The following SPMAP2L variants were observed in gnomAD, a reference collection of about 807,000 sequenced individuals.
SPMAP2L encodes sperm microtubule associated protein 2 like.
At chr4:56,530,631 CA>C in the SPMAP2L span, 8 of 1,509,592 alleles carry the variant, frequency 5.3e-6, no homozygotes, top group Non-Finnish European at 5.3e-6. Context: ...CCTGGGCAAC[CA>C]GTCGGGAGGG....
the SPMAP2L span, among the ~76,000 whole-genome samples, chr4:56,567,048 T>C: frequency 1.3e-5 from 2 of 152,178 alleles, no homozygotes; most frequent in African/African-American, 4.8e-5. Flanking sequence ...CTGGCCTTTG[T>C]GCCACGGTGA....
chr4:56,615,688 C>G, the SPMAP2L span, among the ~76,000 whole-genome samples: 1 of 152,108 alleles, frequency 6.6e-6, no homozygotes, highest in Admixed American at 6.6e-5. Context: ...GCAGAGGTTG[C>G]AGTGAGGTGA....
the SPMAP2L span, among the ~76,000 whole-genome samples, chr4:56,625,116 G>A: frequency 0.2 from 30,413 of 152,138 alleles, 3,591 homozygotes; most frequent in African/African-American, 0.32. Flanking sequence ...GAGACCTGGA[G>A]TCAAAGGAGA....
chr4:56,624,893 C>A, the SPMAP2L span, among the ~76,000 whole-genome samples: 4 of 152,200 alleles, frequency 2.6e-5, no homozygotes, highest in Non-Finnish European at 4.4e-5. Flanking sequence ...CCTACTGGGG[C>A]ACTGCCTAGT....
chr4:56,532,833 T>C, the SPMAP2L span, among the ~76,000 whole-genome samples: 3 of 152,194 alleles, frequency 2.0e-5, no homozygotes, highest in Non-Finnish European at 2.9e-5. Context: ...TGGAAAGATC[T>C]TGTCCTTCAC....
chr4:56,556,785 G>T, the SPMAP2L span, among the ~76,000 whole-genome samples: 1 of 152,022 alleles, frequency 6.6e-6, no homozygotes, highest in Non-Finnish European at 1.5e-5. Flanking sequence ...TGTGGCAGGA[G>T]AATTGCTTGA....
the SPMAP2L span, among the ~76,000 whole-genome samples, chr4:56,583,834 G>C: frequency 1.3e-5 from 2 of 152,208 alleles, no homozygotes; most frequent in African/African-American, 4.8e-5. Flanking sequence ...ATCAATTCCA[G>C]TTTTTTTATA....
At chr4:56,575,474 G>A in the SPMAP2L span, 21 of 1,532,116 alleles carry the variant, frequency 1.4e-5, no homozygotes, top group Middle Eastern at 1.7e-4. Context: ...TGCTTGTTTC[G>A]TTTACTTCTT....
At chr4:56,539,203 T>A in the SPMAP2L span, among the ~76,000 whole-genome samples, 1 of 152,218 alleles carries the variant, frequency 6.6e-6, no homozygotes, top group Non-Finnish European at 1.5e-5. Flanking sequence ...TGCTGAACTT[T>A]ATTGAGCGCA....
the SPMAP2L span, chr4:56,531,005 C>T: frequency 6.5e-7 from 1 of 1,535,330 alleles, no homozygotes. Flanking sequence ...CATGCAGCCC[C>T]CAAACTCCTC....
At chr4:56,593,556 G>C in the SPMAP2L span, 1 of 1,601,044 alleles carries the variant, frequency 6.2e-7, no homozygotes, top group African/African-American at 1.3e-5. Flanking sequence ...TTAGCTTTGT[G>C]CATCTTGAGG....
the SPMAP2L span, among the ~76,000 whole-genome samples, chr4:56,620,605 G>A: frequency 1.4e-4 from 21 of 152,172 alleles, no homozygotes; most frequent in African/African-American, 4.6e-4. Flanking sequence ...GGCTGGCCTC[G>A]AACTCCCAAC....
At chr4:56,593,825 A>G in the SPMAP2L span, 1 of 1,610,480 alleles carries the variant, frequency 6.2e-7, no homozygotes, top group South Asian at 1.1e-5. Context: ...CCTCTTGGCG[A>G]ATATGGCAGC....
At chr4:56,537,947 C>G in the SPMAP2L span, among the ~76,000 whole-genome samples, 1 of 152,094 alleles carries the variant, frequency 6.6e-6, no homozygotes, top group Admixed American at 6.6e-5. Context: ...CCCGCCTCGG[C>G]CCCCCAAAGT....
At chr4:56,592,957 T>C in the SPMAP2L span, 1 of 1,604,806 alleles carries the variant, frequency 6.2e-7, no homozygotes, top group South Asian at 1.1e-5. Context: ...CCAACATCCA[T>C]TTGAAAAGAC....
chr4:56,534,669 G>A, the SPMAP2L span, among the ~76,000 whole-genome samples: 2 of 152,200 alleles, frequency 1.3e-5, no homozygotes, highest in Non-Finnish European at 2.9e-5. Flanking sequence ...GCTTACGCCT[G>A]TAATCCCAGC....
chr4:56,611,033 G>GT, the SPMAP2L span, among the ~76,000 whole-genome samples: 1 of 152,194 alleles, frequency 6.6e-6, no homozygotes, highest in African/African-American at 2.4e-5. Context: ...AAAACAGTGT[G>GT]GAGATCCCTT....
At chr4:56,593,402 G>A in the SPMAP2L span, 20 of 1,367,328 alleles carry the variant, frequency 1.5e-5, no homozygotes, top group African/African-American at 2.0e-4. Context: ...AAGTTACCCT[G>A]TGAAATGGAC....
the SPMAP2L span, among the ~76,000 whole-genome samples, chr4:56,571,233 T>C: frequency 1.3e-5 from 2 of 152,180 alleles, no homozygotes; most frequent in Middle Eastern, 3.4e-3. Flanking sequence ...TATATCCTTA[T>C]TATCATTTTT....
Sources: allele counts gnomAD v4.1 joint callset (sites outside exome capture counted in the v4.1 genomes callset), GRCh38; gene constraint gnomAD v4.1.1; transcripts MANE v1.5; gene names NCBI Gene and HGNC (gene_info 2026-07-23, HGNC 2026-07-21).